SLC25A48: variants seen among roughly 807,000 people sequenced by gnomAD.
The protein encoded by SLC25A48 is CTC-321K16.1.
A neutral mutation model predicts 32.2 loss-of-function variants in SLC25A48; 29 were observed. The observed-to-expected ratio is 0.90, with a 90% CI of 0.67 to 1.23. The LOEUF is 1.23. SLC25A48 is among the 50% of genes most tolerant of loss of function. SLC25A48 has a pLI of 0.00. For missense variants in SLC25A48, 399 were observed against 422.7 expected (o/e 0.94, Z 0.49); for synonymous variants, 164 against 172.3 (o/e 0.95, Z 0.38).
chr5:135,802,137 G>A lies in SLC25A48; in HGVS notation c.-520-10386G>A, dbSNP rs184692619. ...TACTCCCAATACCCTCATATCCTAC[G>A]GAGATATTACTCCTAATATCACAGT... On this transcript the variant is annotated intron_variant, in intron 3 of 10. Coordinates refer to the SLC25A48 transcript ENST00000646290. Among the ~76,000 whole-genome samples, 6 of 151,472 alleles carry A rather than the reference G, an allele frequency of 4.0e-5. No homozygotes were observed. The East Asian group carries it at 5.8e-4, about 15-fold the overall frequency.
intron 1 of SLC25A48, among the ~76,000 whole-genome samples, chr5:135,600,355 T>C (rs1052050108): frequency 6.6e-6 from 1 of 152,228 alleles, no homozygotes; most frequent in African/African-American, 2.4e-5. Context: ...TTTGTGGATT[T>C]TGAGGATCCA....
intron 3 of SLC25A48, among the ~76,000 whole-genome samples, chr5:135,802,548 G>T (rs542374371): frequency 1.3e-5 from 2 of 151,194 alleles, no homozygotes; most frequent in African/African-American, 4.8e-5. Context: ...ACAGTGGGGG[G>T]TACACCATGT....
chr5:135,617,373 A>G (rs1446983209), intron 1 of SLC25A48, among the ~76,000 whole-genome samples: 2 of 151,874 alleles, frequency 1.3e-5, no homozygotes, highest in Non-Finnish European at 2.9e-5. Flanking sequence ...AGCAAGTGAT[A>G]TATCAATTTT....
At chr5:135,797,894 A>T (rs12516165) in intron 3 of SLC25A48, among the ~76,000 whole-genome samples, 3,418 of 151,902 alleles carry the variant, frequency 0.023, 54 homozygotes, top group Non-Finnish European at 0.031. Context: ...TATGGTTCCT[A>T]ATATCCATGA....
chr5:135,880,275 C>T, intron 7 of SLC25A48, 178 bp downstream of exon 7: 1 of 916,780 alleles, frequency 1.1e-6, no homozygotes, highest in Non-Finnish European at 1.6e-6. Flanking sequence ...GAAATGCCCA[C>T]CAGTGACTGG....
At position 135,858,471 on chromosome 5, in the gene SLC25A48, G is replaced by A. The variant is rs145239332; in HGVS notation, c.421+5650G>A. Among the ~76,000 whole-genome samples the A allele has an allele frequency of 2.2e-3, 336 of 152,326 alleles. 2 individuals carry two copies. Among genetic ancestry groups the A allele is most frequent in the African/African-American group, 7.8e-3 (325 of 41,574 alleles). On this transcript the variant is annotated intron_variant, in intron 4 of 7. Coordinates refer to ENST00000681962, the MANE Select transcript of SLC25A48 (RefSeq NM_001349336.2). Reference sequence around the variant, plus strand: ...TGGTCTTGGCAGTAGTGGCTGAGTGGCCAGTGTTTACTGAACCCTAATTGT... The same window carrying A: ...TGGTCTTGGCAGTAGTGGCTGAGTGACCAGTGTTTACTGAACCCTAATTGT...
intron 3 of SLC25A48, among the ~76,000 whole-genome samples, chr5:135,704,975 G>A (rs1754473863): frequency 6.6e-6 from 1 of 152,218 alleles, no homozygotes; most frequent in African/African-American, 2.4e-5. Context: ...AGGATAGCCT[G>A]TGATATATGT....
intron 3 of SLC25A48, among the ~76,000 whole-genome samples, chr5:135,754,636 C>T (rs561288319): frequency 7.2e-5 from 11 of 151,930 alleles, no homozygotes; most frequent in African/African-American, 2.7e-4. Context: ...AAATATCACT[C>T]TGATATTTAT....
At chr5:135,838,410 C>A (rs977427584) in intron 1 of SLC25A48, among the ~76,000 whole-genome samples, 4 of 152,200 alleles carry the variant, frequency 2.6e-5, no homozygotes, top group Non-Finnish European at 5.9e-5. Flanking sequence ...AATAAAAACC[C>A]ATTATCTGGG....
intron 3 of SLC25A48, among the ~76,000 whole-genome samples, chr5:135,851,989 C>T (rs972966380): frequency 6.6e-6 from 1 of 152,190 alleles, no homozygotes; most frequent in African/African-American, 2.4e-5. Flanking sequence ...AGGCACCCCT[C>T]GGGGGTCTAG....
chr5:135,729,520 T>TTTAAAATGCAATA (rs1284462096), intron 3 of SLC25A48, among the ~76,000 whole-genome samples: 27 of 152,188 alleles, frequency 1.8e-4, no homozygotes, highest in Non-Finnish European at 7.4e-5. Flanking sequence ...AAACCAAGGG[T>TTTAAAATGCAATA]CATCTGTAAG....
At chr5:135,705,671 G>C (rs2126969806) in intron 3 of SLC25A48, among the ~76,000 whole-genome samples, 1 of 152,264 alleles carries the variant, frequency 6.6e-6, no homozygotes, top group African/African-American at 2.4e-5. Flanking sequence ...TCAACCTTAT[G>C]GTTTGTTATA....
chr5:135,815,769 T>G (rs558936897), intron 4 of SLC25A48, among the ~76,000 whole-genome samples: 33 of 152,318 alleles, frequency 2.2e-4, no homozygotes, highest in African/African-American at 7.7e-4. Flanking sequence ...AGTGCAGATA[T>G]TCTCTGTCAC....
At chr5:135,822,139 G>T (rs1757905671) in intron 4 of SLC25A48, 1 of 152,152 alleles carries the variant, frequency 6.6e-6, no homozygotes, top group South Asian at 2.1e-4. Context: ...TGGCAGGAAG[G>T]GTAGGGCCTT....
intron 3 of SLC25A48, among the ~76,000 whole-genome samples, chr5:135,737,096 AC>A (rs1407756168): frequency 1.3e-5 from 2 of 152,182 alleles, no homozygotes; most frequent in African/African-American, 4.8e-5. Context: ...AATTTCACTC[AC>A]GTCCGTGTGA....
chr5:135,628,359 G>C (rs1216804339), intron 1 of SLC25A48, among the ~76,000 whole-genome samples: 1 of 152,166 alleles, frequency 6.6e-6, no homozygotes, highest in Non-Finnish European at 1.5e-5. Flanking sequence ...GAGGTTTTAG[G>C]CAAATGCAGA....
upstream of SLC25A48, among the ~76,000 whole-genome samples, chr5:135,832,604 A>G (rs1329252973): frequency 6.6e-6 from 1 of 152,150 alleles, no homozygotes; most frequent in African/African-American, 2.4e-5. Context: ...CAGTGCTCTT[A>G]CAGCCACCTC....
intron 3 of SLC25A48, among the ~76,000 whole-genome samples, chr5:135,662,427 C>A (rs1580765034): frequency 6.6e-6 from 1 of 152,136 alleles, no homozygotes; most frequent in Non-Finnish European, 1.5e-5. Flanking sequence ...TTCCATGTGA[C>A]CCTAAACTCT....
rs1470397009 is a variant in SLC25A48, at chr5:135,780,562, G to A, written c.-520-31961G>A. ...GTGATATTGTTCCTAGTATCCAAAA[G>A]GAAGAGGATGATATTACTCTCAATA... On this transcript the variant is annotated intron_variant, in intron 3 of 10. Coordinates refer to the SLC25A48 transcript ENST00000646290. Among the ~76,000 whole-genome samples, 4 of 116,704 alleles carry A rather than the reference G, an allele frequency of 3.4e-5. 2 individuals are homozygous for A. Among genetic ancestry groups the A allele is most frequent in the Non-Finnish European group, 8.5e-5 (4 of 47,296 alleles). 76.6% of individuals were successfully genotyped at this position (116,704 alleles called of 152,430 possible). A position where few individuals can be genotyped will look rare whatever the true frequency, so the allele number is the denominator to read the frequency against.
Sources: gnomAD v4.1 joint callset for allele counts (sites outside exome capture counted in the v4.1 genomes callset) on GRCh38, gnomAD v4.1.1 for gene constraint, MANE v1.5 for transcripts, NCBI Gene and HGNC (gene_info 2026-07-23, HGNC 2026-07-21) for gene names.